The following GRIK2 variants were observed in gnomAD, a reference collection of about 807,000 sequenced individuals.
The protein encoded by GRIK2 is glutamate ionotropic receptor kainate type subunit 2, also known as glutamate receptor ionotropic, kainate 2.
A neutral mutation model predicts 100.3 loss-of-function variants in GRIK2; 32 were observed. The ratio of observed to expected loss-of-function variants is 0.32; its 90% CI spans 0.24 to 0.43. The LOEUF (loss-of-function observed/expected upper bound fraction) is 0.43, where lower values mean the gene tolerates loss of function less well. Among genes scored for constraint, GRIK2 ranks in the 20% least tolerant of loss-of-function variants. The pLI is 1.00. For missense variants in GRIK2, 843 were observed against 1,114.9 expected (o/e 0.76, Z 3.47); for synonymous variants, 417 against 389.4 (o/e 1.07, Z -0.83).
At chr6:101,880,057 T>A (rs1582444133) in intron 11 of GRIK2, among the ~76,000 whole-genome samples, 1 of 152,060 alleles carries the variant, frequency 6.6e-6, no homozygotes, top group Non-Finnish European at 1.5e-5. Flanking sequence ...TGGACTACTG[T>A]GGCTATCTAG....
chr6:101,675,843 A>T (rs895418636), intron 4 of GRIK2, among the ~76,000 whole-genome samples: 2 of 152,288 alleles, frequency 1.3e-5, no homozygotes, highest in Non-Finnish European at 2.9e-5. Flanking sequence ...ATTATTTTTT[A>T]AAATAATTAT....
intron 10 of GRIK2, among the ~76,000 whole-genome samples, chr6:101,844,520 A>C (rs1469591615): frequency 6.6e-6 from 1 of 152,212 alleles, no homozygotes; most frequent in Non-Finnish European, 1.5e-5. Context: ...TGTCTGATCA[A>C]ATTAATAGAA....
chr6:101,714,165 A>T (rs1773905988), intron 7 of GRIK2, among the ~76,000 whole-genome samples: 1 of 151,748 alleles, frequency 6.6e-6, no homozygotes, highest in African/African-American at 2.4e-5. Flanking sequence ...TCCAGAGCTG[A>T]TCAAGCACGT....
At chr6:101,788,705 T>C (rs1482229602) in intron 7 of GRIK2, among the ~76,000 whole-genome samples, 1 of 152,224 alleles carries the variant, frequency 6.6e-6, no homozygotes, top group South Asian at 2.1e-4. Context: ...GCATGATTTA[T>C]AGTCCTTTGG....
At chr6:101,813,419 G>A (rs1037907846) in intron 9 of GRIK2, among the ~76,000 whole-genome samples, 33 of 152,006 alleles carry the variant, frequency 2.2e-4, no homozygotes, top group Non-Finnish European at 4.1e-4. Flanking sequence ...AACCATAAAA[G>A]TATGTCACAT....
rs755522043 is a variant in GRIK2 at position 101,998,812 on chromosome 6, CT to C, written c.2086-36510del. Among the ~76,000 whole-genome samples the C allele has an allele frequency of 5.4e-3, 591 of 110,054 alleles. 3 individuals carry two copies. Among genetic ancestry groups the C allele is most frequent in the African/African-American group, 0.018 (531 of 30,216 alleles). 72.2% of individuals were successfully genotyped at this position (110,054 alleles called of 152,430 possible). On this transcript the variant is annotated intron_variant, in intron 14 of 16. Coordinates refer to ENST00000369134, the MANE Select transcript of GRIK2 (RefSeq NM_021956.5). ...TGTGTGAGTTTTTCTTTTTTCTTTT[CT>C]TTTTTTTTTTTTTTTTTTGAGTTGG...
chr6:101,928,307 T>C (rs1790044591), intron 13 of GRIK2, 108 bp from the exon 14 acceptor site: 2 of 661,192 alleles, frequency 3.0e-6, no homozygotes, highest in Non-Finnish European at 5.4e-6. Flanking sequence ...AAATCTTTGA[T>C]TTAAGCTTTT....
At chr6:101,513,707 C>T (rs1393226779) in intron 2 of GRIK2, among the ~76,000 whole-genome samples, 6 of 152,028 alleles carry the variant, frequency 3.9e-5, no homozygotes, top group Non-Finnish European at 7.4e-5. Context: ...CCCCAGACAC[C>T]TTAGATAGGA....
chr6:102,011,790 G>T (rs1460012042), intron 14 of GRIK2, among the ~76,000 whole-genome samples: 3 of 151,762 alleles, frequency 2.0e-5, no homozygotes, highest in African/African-American at 7.3e-5. Context: ...GTTTCACCAT[G>T]TTAGCCAGGA....
intron 16 of GRIK2, among the ~76,000 whole-genome samples, chr6:102,060,123 ATTG>A (rs748814375): frequency 2.0e-5 from 3 of 150,744 alleles, no homozygotes; most frequent in East Asian, 1.9e-4. Flanking sequence ...TCTATGTGGT[ATTG>A]TTGTTTTTTT....
Position 102,064,375 on chromosome 6 carries a change from T to C in GRIK2, c.2563-3972T>C, listed in dbSNP as rs569926566. Among the ~76,000 whole-genome samples, 254 of 147,184 alleles carry C rather than the reference T, an allele frequency of 1.7e-3. 1 individual carries two copies. Among genetic ancestry groups the C allele is most frequent in the Admixed American group, 0.016 (239 of 14,546 alleles). On this transcript the variant is annotated intron_variant, in intron 16 of 16. Transcript: ENST00000369134. ...CTTTCCTTCCTTCCTTCTTTCTTTC[T>C]TTCTTTCTTTCCTTTCTCTCTCTCT...
chr6:101,868,746 G>C (rs1785206201), intron 11 of GRIK2, among the ~76,000 whole-genome samples: 3 of 151,666 alleles, frequency 2.0e-5, no homozygotes, highest in Admixed American at 6.6e-5. Flanking sequence ...ACATTAAATT[G>C]CATAAAGTTT....
chr6:101,489,217 C>G (rs950767219), intron 2 of GRIK2, among the ~76,000 whole-genome samples: 1 of 145,988 alleles, frequency 6.8e-6, no homozygotes, highest in Non-Finnish European at 1.5e-5. Flanking sequence ...CAGCTTTATT[C>G]TGTGAGTAAA....
chr6:101,644,838 G>A (rs992677275), intron 4 of GRIK2, among the ~76,000 whole-genome samples: 2 of 151,784 alleles, frequency 1.3e-5, no homozygotes, highest in Non-Finnish European at 2.9e-5. Context: ...GTTAGGCAAA[G>A]CCATGTGATT....
chr6:101,714,601 C>T (rs546241832), intron 7 of GRIK2, among the ~76,000 whole-genome samples: 3 of 151,888 alleles, frequency 2.0e-5, no homozygotes, highest in African/African-American at 4.8e-5. Flanking sequence ...TCACACACAA[C>T]TGCTGGTTTG....
intron 7 of GRIK2, among the ~76,000 whole-genome samples, chr6:101,757,026 T>C (rs1186532963): frequency 3.3e-5 from 5 of 152,176 alleles, no homozygotes; most frequent in Admixed American, 2.0e-4. Flanking sequence ...GTAAAAACTC[T>C]AGTGGTTGAG....
intron 2 of GRIK2, among the ~76,000 whole-genome samples, chr6:101,531,972 A>G (rs1227770701): frequency 1.3e-5 from 2 of 151,968 alleles, no homozygotes; most frequent in Non-Finnish European, 2.9e-5. Context: ...AGTTTTATCT[A>G]TATCCCAAAG....
chr6:101,549,607 G>GT lies in GRIK2; in HGVS notation c.116-72337dup, dbSNP rs1339535221. ...CAGCAATTTTTTTCTTTTAGTTTAA[G>GT]TTTTTAGAGAACCACTTTATGGATA... On this transcript the variant is annotated intron_variant, in intron 2 of 16. Coordinates refer to ENST00000369134, the MANE Select transcript of GRIK2 (RefSeq NM_021956.5). Among the ~76,000 whole-genome samples, 3 of 151,828 alleles carry GT rather than the reference G, an allele frequency of 2.0e-5. No individual in the cohort carries two copies. The East Asian group carries it at 5.8e-4, about 29-fold the overall frequency.
At chr6:101,981,543 T>C (rs1793713851) in intron 14 of GRIK2, among the ~76,000 whole-genome samples, 1 of 151,900 alleles carries the variant, frequency 6.6e-6, no homozygotes, top group African/African-American at 2.4e-5. Flanking sequence ...TTTTACAATT[T>C]AGTAAAGGTT....
Sources: gnomAD v4.1 joint callset for allele counts (sites outside exome capture counted in the v4.1 genomes callset) on GRCh38, gnomAD v4.1.1 for gene constraint, MANE v1.5 for transcripts, NCBI Gene and HGNC (gene_info 2026-07-23, HGNC 2026-07-21) for gene names.